MCUB: variants seen among roughly 807,000 people sequenced by gnomAD.
MCUB encodes the protein calcium uniporter regulatory subunit MCUb, mitochondrial.
MCUB carries 46 observed loss-of-function variants against 41.4 expected under a neutral mutation model. The observed-to-expected ratio is 1.11, with a 90% CI of 0.88 to 1.42. The LOEUF (loss-of-function observed/expected upper bound fraction) is 1.42, where lower values mean the gene tolerates loss of function less well. Ranked by LOEUF, MCUB falls within the 40% of genes most tolerant of loss-of-function variation. The pLI is 0.00. For synonymous variants in MCUB, 148 were observed against 148.2 expected (o/e 1.00, Z 0.01); for missense variants, 403 against 404.9 (o/e 1.00, Z 0.04).
At chr4:109,612,319 T>TGCAGTGG (rs962621707) in intron 1 of MCUB, among the ~76,000 whole-genome samples, 3 of 139,748 alleles carry the variant, frequency 2.1e-5, no homozygotes, top group African/African-American at 8.0e-5. Flanking sequence ...CAGGCTGGAG[T>TGCAGTGG]GCAGTGGTGT....
chr4:109,681,064 T>C (rs1233680231), intron 4 of MCUB, among the ~76,000 whole-genome samples: 1 of 152,208 alleles, frequency 6.6e-6, no homozygotes, highest in African/African-American at 2.4e-5. Context: ...CCCTTTACTC[T>C]TAGTTCTTAG....
intron 4 of MCUB, among the ~76,000 whole-genome samples, chr4:109,669,971 T>C (rs1729419081): frequency 6.6e-6 from 1 of 152,256 alleles, no homozygotes; most frequent in Non-Finnish European, 1.5e-5. Context: ...TGTAGTTATT[T>C]CAAGTTGCTA....
chr4:109,647,958 C>T (rs1728874306), intron 1 of MCUB, among the ~76,000 whole-genome samples: 1 of 152,160 alleles, frequency 6.6e-6, no homozygotes. Flanking sequence ...TAAAACAAGG[C>T]TTCCAGGCAT....
chr4:109,639,177 G>T (rs1315009028), intron 1 of MCUB, among the ~76,000 whole-genome samples: 1 of 152,138 alleles, frequency 6.6e-6, no homozygotes, highest in Admixed American at 6.5e-5. Flanking sequence ...GGCAGTTATA[G>T]CCTTACAAAA....
chr4:109,578,473 T>C (rs1484643551), intron 1 of MCUB, among the ~76,000 whole-genome samples: 1 of 151,996 alleles, frequency 6.6e-6, no homozygotes, highest in South Asian at 2.1e-4. Flanking sequence ...TAAATCCAGG[T>C]CTTCATAATG....
chr4:109,658,342 G>C (rs1056580036), intron 1 of MCUB, among the ~76,000 whole-genome samples: 4 of 151,836 alleles, frequency 2.6e-5, no homozygotes, highest in Non-Finnish European at 5.9e-5. Context: ...TTGTTACCCA[G>C]GCTGGAGTGC....
chr4:109,578,552 T>C (rs544542472), intron 1 of MCUB, among the ~76,000 whole-genome samples: 1 of 152,152 alleles, frequency 6.6e-6, no homozygotes, highest in African/African-American at 2.4e-5. Context: ...AGAGATGCTA[T>C]CTATCATAGC....
At chr4:109,592,145 G>T (rs771199612) in intron 1 of MCUB, among the ~76,000 whole-genome samples, 1 of 151,902 alleles carries the variant, frequency 6.6e-6, no homozygotes, top group Non-Finnish European at 1.5e-5. Context: ...GGTGACTCAC[G>T]CCTGTAATCC....
intron 1 of MCUB, among the ~76,000 whole-genome samples, chr4:109,588,061 T>C (rs1396085415): frequency 6.6e-6 from 1 of 152,240 alleles, no homozygotes; most frequent in East Asian, 1.9e-4. Context: ...TTGTTTCTCT[T>C]TTAAGGAGTT....
chr4:109,677,340 A>G (rs144427081), intron 4 of MCUB, among the ~76,000 whole-genome samples: 2 of 152,312 alleles, frequency 1.3e-5, no homozygotes, highest in Non-Finnish European at 2.9e-5. Context: ...AGGATGAATC[A>G]TGCCTAGATT....
At chr4:109,640,764 G>T (rs915349802) in intron 1 of MCUB, among the ~76,000 whole-genome samples, 1 of 152,178 alleles carries the variant, frequency 6.6e-6, no homozygotes, top group African/African-American at 2.4e-5. Context: ...TTCCATATCA[G>T]CAATAAGGCT....
chr4:109,674,128 A>G, intron 4 of MCUB: 1 of 1,386,466 alleles, frequency 7.2e-7, no homozygotes, highest in Non-Finnish European at 1.0e-6. Flanking sequence ...GCCTTAGAAG[A>G]AGAGATGCTG....
intron 1 of MCUB, among the ~76,000 whole-genome samples, chr4:109,655,948 A>AT (rs1188510606): frequency 6.6e-6 from 1 of 152,164 alleles, no homozygotes; most frequent in Non-Finnish European, 1.5e-5. Context: ...CCAGGTGATT[A>AT]TTAGGCAAGC....
chr4:109,583,159 G>C (rs775558451), intron 1 of MCUB, among the ~76,000 whole-genome samples: 2 of 152,154 alleles, frequency 1.3e-5, no homozygotes. Context: ...TGGGCGGTAC[G>C]GCCATTTTCA....
intron 1 of MCUB, among the ~76,000 whole-genome samples, chr4:109,617,754 C>T (rs1442939155): frequency 6.6e-6 from 1 of 152,116 alleles, no homozygotes; most frequent in Non-Finnish European, 1.5e-5. Flanking sequence ...AATAATGTTA[C>T]AGTTAACATC....
intron 1 of MCUB, among the ~76,000 whole-genome samples, chr4:109,582,423 T>C (rs1727202495): frequency 1.3e-5 from 2 of 150,662 alleles, no homozygotes; most frequent in Non-Finnish European, 3.0e-5. Flanking sequence ...ATATACCTAA[T>C]GTAAATGATG....
At chr4:109,576,862 T>A (rs564313726) in intron 1 of MCUB, among the ~76,000 whole-genome samples, 1 of 151,994 alleles carries the variant, frequency 6.6e-6, no homozygotes, top group African/African-American at 2.4e-5. Flanking sequence ...TCTTTCTTGT[T>A]TTTTTTTGAG....
chr4:109,620,363 A>G (rs1728227108), intron 1 of MCUB, among the ~76,000 whole-genome samples: 1 of 151,756 alleles, frequency 6.6e-6, no homozygotes, highest in South Asian at 2.1e-4. Context: ...TCCTCACTGG[A>G]CAGTACTAAT....
At chr4:109,611,448 G>T (rs1308503067) in intron 1 of MCUB, among the ~76,000 whole-genome samples, 1 of 152,172 alleles carries the variant, frequency 6.6e-6, no homozygotes, top group Non-Finnish European at 1.5e-5. Context: ...CTAGCTTTAT[G>T]GTGTATGTAT....
Sources: gnomAD v4.1 joint callset for allele counts (sites outside exome capture counted in the v4.1 genomes callset) on GRCh38, gnomAD v4.1.1 for gene constraint, MANE v1.5 for transcripts, NCBI Gene and HGNC (gene_info 2026-07-23, HGNC 2026-07-21) for gene names.